MTA1: variants seen among roughly 807,000 people sequenced by gnomAD.
MTA1 encodes the protein metastasis-associated protein MTA1.
A neutral mutation model predicts 97.0 loss-of-function variants in MTA1; 15 were observed. The ratio of observed to expected loss-of-function variants is 0.15; its 90% confidence interval spans 0.10 to 0.24. The LOEUF (loss-of-function observed/expected upper bound fraction) is 0.24, where lower values mean the gene tolerates loss of function less well. MTA1 is among the 10% of genes least tolerant of loss of function. The pLI is 1.00. For missense variants in MTA1, 709 were observed against 1,015.1 expected, an observed-to-expected ratio of 0.70 and a Z score of 4.10; for synonymous variants, 435 against 417.5, an observed-to-expected ratio of 1.04 and a Z score of -0.51.
In MTA1 at chr14:105,466,426, A is replaced by AGGGGGGGGGGGG; in HGVS notation, c.1626_1627insGGGGGGGGGGGG (p.Glu542_Thr543insGlyGlyGlyGly). ...GTTCTGCCTGTGTCATTCCCGGCAG[A>AGGGGGGGGGGGG]GACCCACCCCCGCCCCCCCAAGCCT... On this transcript the variant is annotated inframe_insertion and splice_region_variant, in exon 17 of 21. Coordinates refer to ENST00000331320, the MANE Select transcript of MTA1 (RefSeq NM_004689.4). 18 of 1,484,080 alleles carry AGGGGGGGGGGGG rather than the reference A, an allele frequency of 1.2e-5. No homozygotes were observed. Among genetic ancestry groups the AGGGGGGGGGGGG allele is most frequent in the Non-Finnish European group, 1.5e-5 (16 of 1,071,204 alleles). 91.9% of individuals were successfully genotyped at this position (1,484,080 alleles called of 1,614,324 possible). A position where few individuals can be genotyped will look rare whatever the true frequency, so the allele number is the denominator to read the frequency against.
In MTA1 at chr14:105,464,545, C is replaced by T. The variant is rs1446083211; in HGVS notation, c.1322C>T (p.Pro441Leu). Residue 441 changes from proline (P) to leucine (L), a missense_variant, in exon 14 of 21, where the codon CCA becomes CTA. Pro to Leu is a moderately conservative substitution (Grantham distance 98). Coordinates refer to ENST00000331320, the MANE Select transcript of MTA1 (RefSeq NM_004689.4). ...KMPTRLDGER[P>L]GPNRSNMSPH... ...CCAACCCGGTTAGATGGAGAGAGGC[C>T]AGGACCAAACCGCAGTAACATGGTA... The T allele has an allele frequency of 4.3e-6, 7 of 1,612,876 alleles. No individual in the cohort carries two copies. The highest frequency in any genetic ancestry group is 5.9e-6 in the Non-Finnish European group (7 of 1,179,938).
intron 2 of MTA1, among the ~76,000 whole-genome samples, chr14:105,440,172 C>G (rs930431583): frequency 1.3e-5 from 2 of 152,224 alleles, no homozygotes; most frequent in Non-Finnish European, 1.5e-5. Context: ...AGGGCCTGCC[C>G]GCCTGCAGAG....
Position 105,460,360 on chromosome 14 carries a change from C to T in MTA1, c.656C>T (p.Ser219Phe). The change falls in exon 9 of 21, where the codon TCT (serine) becomes TTT (phenylalanine). Residue 219 changes from serine (S) to phenylalanine (F), a missense_variant and splice_region_variant. Ser to Phe is a radical substitution (Grantham distance 155, BLOSUM62 -2). Transcript: ENST00000331320. Reference sequence around the variant, plus strand: ...GTCAGCGCATCTCCTTTCCCCAGCTCTGTGGGCACCTTCGCACGGGCCCTG... The same window carrying T: ...GTCAGCGCATCTCCTTTCCCCAGCTTTGTGGGCACCTTCGCACGGGCCCTG... Reference protein sequence around the residue: ...QIDQFLVVARSVGTFARALDC... With the variant: ...QIDQFLVVARFVGTFARALDC... The T allele has an allele frequency of 6.2e-7, 1 of 1,608,874 alleles. No individual in the cohort carries two copies. Among genetic ancestry groups the T allele is most frequent in the Non-Finnish European group, 8.5e-7 (1 of 1,177,786 alleles).
intron 1 of MTA1, among the ~76,000 whole-genome samples, chr14:105,426,046 T>C (rs1019230900): frequency 6.6e-6 from 1 of 152,076 alleles, no homozygotes; most frequent in Non-Finnish European, 1.5e-5. Flanking sequence ...CTGCTTTCTC[T>C]GCCCGGTGGC....
intron 3 of MTA1, 27 bp downstream of exon 3, chr14:105,445,538 C>G (rs782802125): frequency 6.2e-7 from 1 of 1,611,574 alleles, no homozygotes; most frequent in African/African-American, 1.3e-5. Context: ...CTGGGGTGCC[C>G]GCCTGGCGGG....
In MTA1 at chr14:105,463,475, C is replaced by T. The variant is rs1555431539; in HGVS notation, c.1018-18C>T. 4 of 1,612,924 alleles carry T rather than the reference C, an allele frequency of 2.5e-6. No homozygotes were observed. The highest frequency in any genetic ancestry group is 2.7e-5 in the African/African-American group (2 of 74,940). On this transcript the variant is annotated intron_variant, in intron 11 of 20. Transcript: ENST00000331320. The surrounding 1 kb of genome is among the most constrained non-coding windows in gnomAD (Gnocchi z 5.9). Reference sequence around the variant, plus strand: ...TGGGCCTAGCCTGCTGACCTCTGACCTTCTCTTTTGTTTTAAGAAACGCTT... The same window carrying T: ...TGGGCCTAGCCTGCTGACCTCTGACTTTCTCTTTTGTTTTAAGAAACGCTT...
intron 1 of MTA1, among the ~76,000 whole-genome samples, chr14:105,423,138 A>G (rs2081899602): frequency 6.6e-6 from 1 of 151,046 alleles, no homozygotes; most frequent in Admixed American, 6.6e-5. Context: ...TGGACAGGCC[A>G]TTACCATTTT....
chr14:105,461,504 C>T (rs992928312), intron 10 of MTA1, among the ~76,000 whole-genome samples: 30 of 152,174 alleles, frequency 2.0e-4, no homozygotes, highest in African/African-American at 7.2e-4. Context: ...AGAAGAGCAT[C>T]CCTATGTGGG....
In MTA1 at chr14:105,460,383, C is replaced by G; in HGVS notation, c.679C>G (p.Leu227Val). 2 of 1,611,618 alleles carry G rather than the reference C, an allele frequency of 1.2e-6. No individual in the cohort carries two copies. Among genetic ancestry groups the G allele is most frequent in the Non-Finnish European group, 8.5e-7 (1 of 1,179,326 alleles). The change falls in exon 9 of 21, where the codon CTG (leucine) becomes GTG (valine). Residue 227 changes from leucine to valine, a missense_variant. Physicochemically the swap from Leu to Val is conservative, Grantham distance 32. This residue lies in a region of MTA1 where 321 missense variants were observed against 593.5 expected (regional missense o/e 0.54). Coordinates refer to ENST00000331320, the MANE Select transcript of MTA1 (RefSeq NM_004689.4). ...CTCTGTGGGCACCTTCGCACGGGCC[C>G]TGGACTGCAGCAGCTCCGTCCGACA... ...ARSVGTFARA[L>V]DCSSSVRQPS...
At position 105,460,297 on chromosome 14, in the gene MTA1, G is replaced by C. The variant is rs587654372; in HGVS notation, c.654-61G>C. 8 of 1,472,180 alleles carry C rather than the reference G, an allele frequency of 5.4e-6. No individual in the cohort carries two copies. The South Asian group carries it at 1.0e-4, about 19-fold the overall frequency. 91.2% of individuals were successfully genotyped at this position (1,472,180 alleles called of 1,614,324 possible). A position where few individuals can be genotyped will look rare whatever the true frequency, so the allele number is the denominator to read the frequency against. On this transcript the variant is annotated intron_variant, in intron 8 of 20. Coordinates refer to ENST00000331320, the MANE Select transcript of MTA1 (RefSeq NM_004689.4). ...GCTGGTCCCTGGCGCCTGGGGAGCG[G>C]TGTGCCTGTGGGGAGTCCCTGCTTG...
At chr14:105,462,422 A>T (rs1555431262) in intron 10 of MTA1, among the ~76,000 whole-genome samples, 1 of 152,004 alleles carries the variant, frequency 6.6e-6, no homozygotes, top group Non-Finnish European at 1.5e-5. Context: ...TACAAAAATT[A>T]GTCGGGCATG....
chr14:105,466,397 A>G (rs782035791), intron 16 of MTA1, 29 bp from the exon 17 acceptor site: 9 of 1,544,304 alleles, frequency 5.8e-6, no homozygotes, highest in Non-Finnish European at 6.2e-6. Flanking sequence ...GGCAGAGGCA[A>G]CTCGTTCTGC....
intron 2 of MTA1, among the ~76,000 whole-genome samples, chr14:105,440,608 C>T (rs2082479072): frequency 6.6e-6 from 1 of 152,380 alleles, no homozygotes; most frequent in South Asian, 2.1e-4. Flanking sequence ...TGTAGCATTG[C>T]ACACGCTCAG....
At chr14:105,430,799 A>G (rs587734867) in intron 1 of MTA1, among the ~76,000 whole-genome samples, 1 of 152,332 alleles carries the variant, frequency 6.6e-6, no homozygotes, top group Non-Finnish European at 1.5e-5. Context: ...TTGTTGAGAA[A>G]AAAATCAAAG....
chr14:105,469,393 G>A, intron 18 of MTA1, 74 bp from the exon 19 acceptor site: 1 of 1,536,324 alleles, frequency 6.5e-7, no homozygotes. Flanking sequence ...CAAGGTGGCT[G>A]AGGCCGTGGT....
chr14:105,469,549 C>T (rs2083743703), intron 19 of MTA1, 51 bp downstream of exon 19: 1 of 1,600,122 alleles, frequency 6.2e-7, no homozygotes, highest in Non-Finnish European at 8.6e-7. Context: ...CATGAGCTCT[C>T]TGGGGTGTTG....
intron 10 of MTA1, among the ~76,000 whole-genome samples, chr14:105,461,199 C>T (rs1222075453): frequency 3.9e-5 from 6 of 152,172 alleles, no homozygotes; most frequent in Admixed American, 3.9e-4. Context: ...CATGCTCCTG[C>T]CACCATTGCG....
At chr14:105,469,619 G>T in intron 19 of MTA1, 121 bp downstream of exon 19, 1 of 1,296,236 alleles carries the variant, frequency 7.7e-7, no homozygotes, top group South Asian at 1.3e-5. Context: ...GGCCTGGCAA[G>T]ACCAGAGGGG....
At position 105,469,911 on chromosome 14, in the gene MTA1, C is replaced by T; in HGVS notation, c.1916C>T (p.Ser639Phe). 6.2e-7 allele frequency: 1 copy of T among 1,611,952 alleles called. No individual in the cohort carries two copies. Among genetic ancestry groups the T allele is most frequent in the Non-Finnish European group, 8.5e-7 (1 of 1,179,594 alleles). Residue 639 changes from serine to phenylalanine, a missense_variant, in exon 20 of 21, where the codon TCC becomes TTC. Coordinates refer to ENST00000331320, the MANE Select transcript of MTA1 (RefSeq NM_004689.4). ...PTKVRLIRGG[S>F]LPPVKRRRMN... The stretch of plus-strand genomic sequence containing the variant: ...AAAGTGCGCCTGATCCGGGGGGGCT[C>T]CCTGCCCCCAGTCAAGCGGCGGCGG...
Sources: gnomAD v4.1 joint callset for allele counts (sites outside exome capture counted in the v4.1 genomes callset) on GRCh38, gnomAD v4.1.1 for gene constraint, gnomAD v4.1.1 regional missense constraint, Gnocchi (gnomAD v3.1) non-coding constraint, MANE v1.5 for transcripts, NCBI Gene and HGNC (gene_info 2026-07-23, HGNC 2026-07-21) for gene names.